Variants in ARL14EPL observed in about 807,000 individuals in gnomAD.
ARL14EPL encodes ARF like GTPase 14 effector protein like.
In ARL14EPL, 17 loss-of-function variants were observed where a neutral mutation model predicts 15.9. The ratio of observed to expected loss-of-function variants is 1.07; its 90% CI spans 0.73 to 1.60. The LOEUF is 1.60. ARL14EPL is among the 40% of genes most tolerant of loss of function. The probability of loss-of-function intolerance (pLI) is 0.00; values close to 1 mark genes in which losing one functional copy is unlikely to be tolerated. For missense variants in ARL14EPL, 214 were observed against 185.9 expected (o/e 1.15, Z -0.88); for synonymous variants, 78 against 63.8 (o/e 1.22, Z -1.06).
intron 3 of ARL14EPL, among the ~76,000 whole-genome samples, chr5:116,056,646 G>A (rs1049630965): frequency 1.4e-4 from 21 of 152,106 alleles, no homozygotes; most frequent in Admixed American, 7.2e-4. Context: ...AAGCTCTTTA[G>A]TTTAATTAGA....
At chr5:116,049,518 A>G (rs985716155) in intron 1 of ARL14EPL, among the ~76,000 whole-genome samples, 1 of 150,416 alleles carries the variant, frequency 6.6e-6, no homozygotes, top group Non-Finnish European at 1.5e-5. Context: ...AGAATCAGGA[A>G]GTACCTGTGC....
At chr5:116,043,691 G>T (rs917723338) in intron 1 of ARL14EPL, among the ~76,000 whole-genome samples, 2 of 152,104 alleles carry the variant, frequency 1.3e-5, no homozygotes, top group Admixed American at 1.3e-4. Flanking sequence ...AGGAAGTAAG[G>T]TTCAGTGCCG....
intron 1 of ARL14EPL, among the ~76,000 whole-genome samples, chr5:116,049,013 C>T (rs1049960661): frequency 6.6e-6 from 1 of 152,084 alleles, no homozygotes; most frequent in Non-Finnish European, 1.5e-5. Flanking sequence ...GCATTTTTGG[C>T]ATATGATATT....
chr5:116,052,486 C>T (rs1030562867), intron 2 of ARL14EPL, among the ~76,000 whole-genome samples: 4 of 152,180 alleles, frequency 2.6e-5, no homozygotes, highest in Admixed American at 2.6e-4. Context: ...GAAACTGGGG[C>T]CTAGAGATGT....
At position 116,051,837 on chromosome 5, in the gene ARL14EPL, GTTTTTA is replaced by G. The variant is rs372991139; in HGVS notation, c.96+294_96+299del. 5.7e-4 allele frequency: 602 copies of G among 1,064,476 alleles called. 1 individual carries two copies. The African/African-American group carries it at 7.6e-3, about 13-fold the overall frequency. 65.9% of individuals were successfully genotyped at this position (1,064,476 alleles called of 1,614,324 possible). On this transcript the variant is annotated intron_variant, in intron 2 of 3. Coordinates refer to ENST00000686077, the MANE Select transcript of ARL14EPL (RefSeq NM_001195581.2). ...CTTTTTGTGGAGAATATATACAAAC[GTTTTTA>G]TTTTTATTTTTATTTTTTGATTTAA...
In ARL14EPL at chr5:116,059,018, A is replaced by C. The variant is rs1749588000; in HGVS notation, c.*71A>C. The C allele has an allele frequency of 4.9e-6, 7 of 1,415,018 alleles. No homozygotes were observed. Among genetic ancestry groups the C allele is most frequent in the African/African-American group, 1.4e-5 (1 of 70,252 alleles). The allele number at this position is 1,415,018 out of a possible 1,614,324, so 87.7% of individuals were successfully genotyped here. ...AAGTTGACCTCTTTCTTTTGGGTGA[A>C]TTTTAGGGCTTGGGGGAAATATCGA... On this transcript the variant is annotated 3_prime_UTR_variant, in exon 4 of 4. Transcript: ENST00000686077.
chr5:116,046,844 A>G (rs1237562971), intron 1 of ARL14EPL, among the ~76,000 whole-genome samples: 1 of 152,210 alleles, frequency 6.6e-6, no homozygotes, highest in East Asian at 1.9e-4. Context: ...GAATTCCAGC[A>G]TGACTATATT....
intron 1 of ARL14EPL, among the ~76,000 whole-genome samples, chr5:116,049,760 C>T (rs1749335750): frequency 6.6e-6 from 1 of 152,198 alleles, no homozygotes; most frequent in Non-Finnish European, 1.5e-5. Context: ...TAAGAAACTC[C>T]AGCAGTGCTA....
chr5:116,038,545 C>G (rs1469678861), intron 1 of ARL14EPL, among the ~76,000 whole-genome samples: 6 of 152,114 alleles, frequency 3.9e-5, no homozygotes, highest in African/African-American at 7.2e-5. Flanking sequence ...AAATATCATG[C>G]TGAGGACCAC....
At chr5:116,044,491 A>G (rs950737404) in intron 1 of ARL14EPL, among the ~76,000 whole-genome samples, 1 of 117,852 alleles carries the variant, frequency 8.5e-6, no homozygotes, top group African/African-American at 2.6e-5. Flanking sequence ...GCGTGTGTAT[A>G]TATGTGTGTG....
chr5:116,053,117 G>C (rs1749428940), intron 2 of ARL14EPL, among the ~76,000 whole-genome samples: 1 of 152,178 alleles, frequency 6.6e-6, no homozygotes, highest in African/African-American at 2.4e-5. Flanking sequence ...GCCCAAGGCA[G>C]ATGGTGGATC....
intron 1 of ARL14EPL, among the ~76,000 whole-genome samples, chr5:116,050,562 A>G (rs1749350283): frequency 1.3e-5 from 2 of 152,198 alleles, no homozygotes; most frequent in East Asian, 1.9e-4. Context: ...ATTGGTCAGC[A>G]GAGAGGTGAT....
At chr5:116,042,205 C>A (rs1483320565) in intron 1 of ARL14EPL, among the ~76,000 whole-genome samples, 1 of 152,192 alleles carries the variant, frequency 6.6e-6, no homozygotes, top group Admixed American at 6.5e-5. Flanking sequence ...CTCTCAGCTG[C>A]ACAGTGCCTT....
chr5:116,039,933 A>G (rs1343092892), intron 1 of ARL14EPL, among the ~76,000 whole-genome samples: 3 of 152,198 alleles, frequency 2.0e-5, no homozygotes, highest in Non-Finnish European at 4.4e-5. Flanking sequence ...CTACATTCTC[A>G]GATCTGCTTT....
chr5:116,032,999 A>G (rs759575929), intron 1 of ARL14EPL, among the ~76,000 whole-genome samples: 3 of 152,208 alleles, frequency 2.0e-5, no homozygotes, highest in East Asian at 1.9e-4. Context: ...GGGTTTCACC[A>G]TGTTGCCTGG....
chr5:116,041,430 C>A (rs1043309570), intron 1 of ARL14EPL, among the ~76,000 whole-genome samples: 37 of 151,996 alleles, frequency 2.4e-4, no homozygotes, highest in African/African-American at 8.9e-4. Flanking sequence ...TGTTTTGTTT[C>A]TGTTTCTTTG....
intron 3 of ARL14EPL, among the ~76,000 whole-genome samples, chr5:116,054,567 C>T (rs1002696753): frequency 6.6e-6 from 1 of 152,208 alleles, no homozygotes; most frequent in African/African-American, 2.4e-5. Flanking sequence ...CACGGTGGCT[C>T]ACACCTGTAA....
rs1325300454 is a variant in ARL14EPL at position 116,055,806 on chromosome 5, C to T, written c.236+1653C>T. Among the ~76,000 whole-genome samples the T allele has an allele frequency of 1.3e-5, 2 of 151,814 alleles. 1 individual carries two copies. The highest frequency in any genetic ancestry group is 2.9e-5 in the Non-Finnish European group (2 of 68,006). On this transcript the variant is annotated intron_variant, in intron 3 of 3. Coordinates refer to ENST00000686077, the MANE Select transcript of ARL14EPL (RefSeq NM_001195581.2). ...ATGCTATCCCTCCCCACTCCCCCAA[C>T]CCCACAACAGGCCCCAGTGTGTGAT...
intron 3 of ARL14EPL, among the ~76,000 whole-genome samples, chr5:116,057,350 T>C (rs914612771): frequency 6.6e-6 from 1 of 152,154 alleles, no homozygotes; most frequent in Admixed American, 6.5e-5. Context: ...GAAGTTTGTT[T>C]TATTCTTCTT....
Sources: allele counts gnomAD v4.1 joint callset (sites outside exome capture counted in the v4.1 genomes callset), GRCh38; gene constraint gnomAD v4.1.1; transcripts MANE v1.5; gene names NCBI Gene and HGNC (gene_info 2026-07-23, HGNC 2026-07-21).